The following DPF1 variants were observed in gnomAD, a reference collection of about 807,000 sequenced individuals.
DPF1 encodes zinc finger protein neuro-d4.
Under a neutral mutation model 58.7 loss-of-function variants are expected in DPF1, and 14 were observed. The observed-to-expected ratio is 0.24, with a 90% CI of 0.16 to 0.37. The LOEUF (loss-of-function observed/expected upper bound fraction) is 0.37, where lower values mean the gene tolerates loss of function less well. Among genes scored for constraint, DPF1 ranks in the 10% least tolerant of loss-of-function variants. The pLI is 1.00. For synonymous variants in DPF1, 216 were observed against 216.0 expected (o/e 1.00, Z 0.00); for missense variants, 345 against 529.9 (o/e 0.65, Z 3.43).
upstream of DPF1, among the ~76,000 whole-genome samples, chr19:38,226,904 G>A (rs541955789): frequency 2.2e-4 from 33 of 152,196 alleles, no homozygotes; most frequent in South Asian, 6.4e-3. Context: ...AGAAGCCCGA[G>A]TGTAGACACT....
In DPF1 at chr19:38,211,815, G is replaced by A. The variant is rs1462410412; in HGVS notation, c.*248C>T. The A allele has an allele frequency of 3.6e-6, 2 of 560,144 alleles. No individual in the cohort carries two copies. Among genetic ancestry groups the A allele is most frequent in the East Asian group, 6.1e-5 (2 of 32,594 alleles). The allele number at this position is 560,144 out of a possible 1,614,324, so 34.7% of individuals were successfully genotyped here. Reference sequence around the variant, plus strand: ...CCCAGAGGCGGGGTATGGCTTTGAGGGGAGAAGCCCCTGGTGTCCATTTGC... The same window carrying A: ...CCCAGAGGCGGGGTATGGCTTTGAGAGGAGAAGCCCCTGGTGTCCATTTGC... On this transcript the variant is annotated 3_prime_UTR_variant, in exon 12 of 12. Transcript: ENST00000355526. The surrounding 1 kb of genome is among the most constrained non-coding windows in gnomAD (Gnocchi z 4.0).
intron 11 of DPF1, 23 bp downstream of exon 11, chr19:38,212,257 G>T: frequency 2.0e-6 from 1 of 500,206 alleles, no homozygotes; most frequent in Non-Finnish European, 3.2e-6. Flanking sequence ...CCCGCCCCAT[G>T]GGATGCCCAC....
Position 38,211,273 on chromosome 19 carries a change from G to A in DPF1, c.*790C>T, listed in dbSNP as rs1250281002. The A allele has an allele frequency of 6.6e-6, 1 of 152,100 alleles. No homozygotes were observed. The highest frequency in any genetic ancestry group is 6.5e-5 in the Admixed American group (1 of 15,272). 9.4% of individuals were successfully genotyped at this position (152,100 alleles called of 1,614,324 possible). A position where few individuals can be genotyped will look rare whatever the true frequency, so the allele number is the denominator to read the frequency against. On this transcript the variant is annotated 3_prime_UTR_variant, in exon 12 of 12. Coordinates refer to ENST00000355526, the MANE Select transcript of DPF1 (RefSeq NM_001135155.3). The surrounding 1 kb of genome is among the most constrained non-coding windows in gnomAD (Gnocchi z 4.0). Reference sequence around the variant, plus strand: ...GGGGGCGGGGGCCGCCAGGCCTGGCGGGGCGGGAGGAGGGAGAGAAAAGGA... The same window carrying A: ...GGGGGCGGGGGCCGCCAGGCCTGGCAGGGCGGGAGGAGGGAGAGAAAAGGA...
chr19:38,220,614 T>A (rs1359265124), intron 3 of DPF1, among the ~76,000 whole-genome samples: 11 of 123,386 alleles, frequency 8.9e-5, no homozygotes, highest in African/African-American at 2.8e-4. Context: ...AGACTCCGTC[T>A]CAAAAAAAAA....
chr19:38,214,791 C>G (rs1966889451), intron 9 of DPF1, among the ~76,000 whole-genome samples: 1 of 151,548 alleles, frequency 6.6e-6, no homozygotes, highest in Non-Finnish European at 1.5e-5. Context: ...CTCAGCCTCC[C>G]GAGTAGCTGG....
upstream of DPF1, chr19:38,227,807 C>G (rs967744619): frequency 6.6e-6 from 1 of 152,254 alleles, no homozygotes; most frequent in East Asian, 1.9e-4. Context: ...CTTCCGAGGG[C>G]GGCACCCTGC....
chr19:38,219,390 A>AGACACAGG (rs896774115), intron 3 of DPF1: 1 of 293,234 alleles, frequency 3.4e-6, no homozygotes, highest in Non-Finnish European at 6.4e-6. Context: ...GGACAGATCC[A>AGACACAGG]GACACTCGCA....
At chr19:38,212,214 T>C in intron 11 of DPF1, 66 bp downstream of exon 11, 1 of 1,525,982 alleles carries the variant, frequency 6.6e-7, no homozygotes, top group South Asian at 1.2e-5. Context: ...GGACACACAG[T>C]CTTCCACAAC....
At chr19:38,212,500 A>G in intron 10 of DPF1, 139 bp from the exon 11 acceptor site, 2 of 546,822 alleles carry the variant, frequency 3.7e-6, no homozygotes, top group Non-Finnish European at 3.3e-6. Context: ...AGGTCTTTGC[A>G]GCAGGAAATG....
At chr19:38,212,459 G>A (rs951012293) in intron 10 of DPF1, 98 bp from the exon 11 acceptor site, 112 of 589,862 alleles carry the variant, frequency 1.9e-4, no homozygotes, top group Non-Finnish European at 3.0e-4. Flanking sequence ...GGGGCTGGGG[G>A]AGGTGAGGCC....
Position 38,213,675 on chromosome 19 carries a change from G to T in DPF1, c.980C>A (p.Ser327Tyr), listed in dbSNP as rs762710050. 4 of 1,613,888 alleles carry T rather than the reference G, an allele frequency of 2.5e-6. No homozygotes were observed. The highest frequency in any genetic ancestry group is 3.4e-6 in the Non-Finnish European group (4 of 1,179,848). The change falls in exon 10 of 12, where the codon TCC (serine) becomes TAC (tyrosine). Residue 327 changes from serine (S) to tyrosine (Y), a missense_variant. Physicochemically the swap from Ser to Tyr is moderately radical, Grantham distance 144. Coordinates refer to ENST00000355526, the MANE Select transcript of DPF1 (RefSeq NM_001135155.3). Reference sequence around the variant, plus strand: ...CTCGGAGGTTCCGCACAGGCTGCAGGATTTGCACTCGATGCACTGCCAGCG... The same window carrying T: ...CTCGGAGGTTCCGCACAGGCTGCAGTATTTGCACTCGATGCACTGCCAGCG... Reference protein sequence around the residue: ...TYRWQCIECKSCSLCGTSEND... With the variant: ...TYRWQCIECKYCSLCGTSEND...
chr19:38,216,040 G>A, intron 9 of DPF1, 100 bp downstream of exon 9: 6 of 1,496,106 alleles, frequency 4.0e-6, no homozygotes, highest in Non-Finnish European at 5.3e-6. Flanking sequence ...CATGCTCCGG[G>A]TCCCCTCGGT....
At position 38,213,493 on chromosome 19, in the gene DPF1, AG is replaced by A. The variant is rs1973611634; in HGVS notation, c.1011+150del. ...AGAGAGATGAAGAGGAAAAAGGGCCAGGTTCGATTTATGGACACCGGCATAA... is the reference window on the plus strand; with the variant it reads ...AGAGAGATGAAGAGGAAAAAGGGCCAGTTCGATTTATGGACACCGGCATAA... On this transcript the variant is annotated intron_variant, in intron 10 of 11. Transcript: ENST00000355526. 3 of 651,074 alleles carry A rather than the reference AG, an allele frequency of 4.6e-6. No homozygotes were observed. In the Admixed American group the frequency reaches 7.9e-5, roughly 17 times the overall value. The allele number at this position is 651,074 out of a possible 1,614,324, so 40.3% of individuals were successfully genotyped here. A position where few individuals can be genotyped will look rare whatever the true frequency, so the allele number is the denominator to read the frequency against.
chr19:38,229,463 G>T lies in DPF1; in HGVS notation c.-132+96C>A. The T allele has an allele frequency of 2.9e-6, 2 of 686,726 alleles. No homozygotes were observed. The highest frequency in any genetic ancestry group is 3.7e-6 in the Non-Finnish European group (2 of 536,004). The allele number at this position is 686,726 out of a possible 1,614,324, so 42.5% of individuals were successfully genotyped here. On this transcript the variant is annotated intron_variant, in intron 1 of 11. Coordinates refer to the DPF1 transcript ENST00000412732. The surrounding 1 kb of genome is among the most constrained non-coding windows in gnomAD (Gnocchi z 5.3). ...GGGGGCCCCCATTCAACTACGGTCC[G>T]CGCGCTGCGTCCCCCTCCTCAGCCC...
At chr19:38,214,175 A>G (rs763177494) in intron 9 of DPF1, among the ~76,000 whole-genome samples, 33 of 152,156 alleles carry the variant, frequency 2.2e-4, no homozygotes, top group Non-Finnish European at 4.6e-4. Flanking sequence ...CCCAGCCACA[A>G]TGCCATGGCA....
At position 38,217,533 on chromosome 19, in the gene DPF1, G is replaced by A. The variant is rs1178866385; in HGVS notation, c.654C>T (p.His218=). ...PGLSYHYTHT[H]LAEEEGEENA... is the part of the protein sequence containing the mutation. Reference sequence around the variant, plus strand: ...TCTCCTCCCCCTCCTCCTCGGCCAGGTGGGTGTGGGTGTAGTGGTAGCTGA... The same window carrying A: ...TCTCCTCCCCCTCCTCCTCGGCCAGATGGGTGTGGGTGTAGTGGTAGCTGA... The change falls in exon 7 of 12, where the codon CAC becomes CAT. Residue 218 remains histidine (H), a synonymous_variant. Transcript: ENST00000355526. 1.3e-6 allele frequency: 2 copies of A among 1,551,612 alleles called. No individual in the cohort carries two copies. Among genetic ancestry groups the A allele is most frequent in the Non-Finnish European group, 1.7e-6 (2 of 1,146,984 alleles).
intron 3 of DPF1, among the ~76,000 whole-genome samples, chr19:38,220,298 GAAAGAAAGAGAAAGAA>G (rs1422925098): frequency 0.014 from 1,353 of 99,872 alleles, 21 homozygotes; most frequent in African/African-American, 0.052. Context: ...GAGAGAGAGA[GAAAGAAAGAGAAAGAA>G]AGAAAGAAAG....
At chr19:38,219,253 G>C in intron 3 of DPF1, 195 bp from the exon 4 acceptor site, 1 of 707,954 alleles carries the variant, frequency 1.4e-6, no homozygotes. Context: ...GGGATGCACA[G>C]CAGGAGACAC....
upstream of DPF1, chr19:38,224,349 G>C (rs953987052): frequency 3.3e-6 from 4 of 1,207,256 alleles, no homozygotes; most frequent in African/African-American, 6.3e-5. The surrounding 1 kb of genome is among the most constrained non-coding windows in gnomAD (Gnocchi z 4.5). Flanking sequence ...CGCGGGGACG[G>C]GACGGCGCGG....
Sources: allele counts gnomAD v4.1 joint callset (sites outside exome capture counted in the v4.1 genomes callset), GRCh38; gene constraint gnomAD v4.1.1; non-coding constraint Gnocchi (gnomAD v3.1); transcripts MANE v1.5; gene names NCBI Gene and HGNC (gene_info 2026-07-23, HGNC 2026-07-21).